EOGT: variants seen among roughly 807,000 people sequenced by gnomAD.
The protein encoded by EOGT is EGF domain specific O-linked N-acetylglucosamine transferase.
In EOGT, 55 loss-of-function variants were observed where a neutral mutation model predicts 70.5. That is an observed-to-expected ratio of 0.78 (90% CI 0.63 to 0.98). The LOEUF is 0.98. EOGT is among the 50% of genes least tolerant of loss of function. The pLI is 0.00. For synonymous variants in EOGT, 246 were observed against 217.1 expected (o/e 1.13, Z -1.17); for missense variants, 703 against 641.9 (o/e 1.10, Z -1.03).
In EOGT at chr3:68,977,535, AAC is replaced by A; in HGVS notation, c.*81_*82del. The A allele has an allele frequency of 6.9e-7, 1 of 1,446,606 alleles. No homozygotes were observed. The highest frequency in any genetic ancestry group is 9.6e-7 in the Non-Finnish European group (1 of 1,042,524). The allele number at this position is 1,446,606 out of a possible 1,614,324, so 89.6% of individuals were successfully genotyped here. On this transcript the variant is annotated 3_prime_UTR_variant, in exon 18 of 18. Transcript: ENST00000383701. ...AAAAGGTAATTCGGGGATAGGAAAT[AAC>A]AGATTGCTTTACTGATTTAATTCTA... is the stretch of plus-strand genomic sequence containing the variant.
Position 68,987,452 on chromosome 3 carries a change from TG to T in EOGT, c.1144del (p.Gln382LysfsTer5), listed in dbSNP as rs1264434822. 4.3e-6 allele frequency: 7 copies of T among 1,612,700 alleles called. No individual in the cohort carries two copies. The highest frequency in any genetic ancestry group is 5.1e-6 in the Non-Finnish European group (6 of 1,179,148). The stretch of plus-strand genomic sequence containing the variant: ...TGCATACCAAAAACTAACCTCATTT[TG>T]GTTAAGGATTTTCCGGTATTCTGTG... ...RSTEYRKILN[Q>X]NELVNALKTV... On this transcript the variant is annotated frameshift_variant, in exon 14 of 18. Transcript: ENST00000383701. LOFTEE classifies it high-confidence loss of function.
chr3:68,979,915 T>C (rs1192787485), intron 15 of EOGT, 128 bp from the exon 16 acceptor site: 5 of 890,470 alleles, frequency 5.6e-6, no homozygotes, highest in Non-Finnish European at 6.3e-6. Context: ...ATTCCATTTT[T>C]AAGAAGCATT....
chr3:69,010,716 C>T lies in EOGT; in HGVS notation c.-14-856G>A, dbSNP rs556451001. ...AAGCCATGTGGGGCAGAGAAGGGGC[C>T]TAAATAACATTAAAGCTGAGATCTG... On this transcript the variant is annotated intron_variant, in intron 3 of 17. Coordinates refer to ENST00000383701, the MANE Select transcript of EOGT (RefSeq NM_001278689.2). Among the ~76,000 whole-genome samples the T allele has an allele frequency of 1.0e-3, 152 of 152,166 alleles. 3 individuals carry two copies. Among genetic ancestry groups the T allele is most frequent in the African/African-American group, 3.4e-3 (143 of 41,506 alleles).
At chr3:68,987,886 C>A in intron 13 of EOGT, 1 of 325,760 alleles carries the variant, frequency 3.1e-6, no homozygotes, top group Non-Finnish European at 5.6e-6. Context: ...GTTTTTGACA[C>A]CTGGTTTCAG....
intron 8 of EOGT, among the ~76,000 whole-genome samples, chr3:69,004,145 G>A (rs2091375708): frequency 6.6e-6 from 1 of 152,146 alleles, no homozygotes; most frequent in Non-Finnish European, 1.5e-5. Flanking sequence ...GGATTTTTAA[G>A]CTGATTTTTT....
intron 10 of EOGT, among the ~76,000 whole-genome samples, chr3:68,996,712 C>T (rs1559602905): frequency 6.6e-6 from 1 of 152,200 alleles, no homozygotes; most frequent in Non-Finnish European, 1.5e-5. Context: ...GGAAGAAACA[C>T]CTGAGGCTGC....
rs61541890 is a variant in EOGT, at chr3:69,006,048, T to C, written c.421-814A>G. On this transcript the variant is annotated intron_variant, in intron 6 of 17. Transcript: ENST00000383701. Reference sequence around the variant, plus strand: ...CAATGTGATGATATTGTTTAGAAGCTACCCAGTCTATGGTATTTTGTTATA... The same window carrying C: ...CAATGTGATGATATTGTTTAGAAGCCACCCAGTCTATGGTATTTTGTTATA... 8.7e-3 allele frequency among the ~76,000 whole-genome samples: 1,331 copies of C among 152,318 alleles called. 136 individuals carry two copies. The East Asian group carries it at 0.21, about 24-fold the overall frequency.
Position 69,004,429 on chromosome 3 carries a change from T to C in EOGT, c.569A>G (p.Asp190Gly), listed in dbSNP as rs1236620474. The C allele has an allele frequency of 2.5e-6, 4 of 1,614,150 alleles. No homozygotes were observed. Among genetic ancestry groups the C allele is most frequent in the Non-Finnish European group, 3.4e-6 (4 of 1,179,992 alleles). Residue 190 changes from aspartate (D) to glycine (G), a missense_variant, in exon 8 of 18, where the codon GAC becomes GGC. Coordinates refer to ENST00000383701, the MANE Select transcript of EOGT (RefSeq NM_001278689.2). ...SGEIGGHCKL[D>G]IRTLTSEGQR... is the part of the protein sequence containing the mutation. ...ACCTTCAGACGTCAATGTACGGATG[T>C]CAAGTTTACAGTGCCCTCCAATTTC...
intron 9 of EOGT, among the ~76,000 whole-genome samples, 199 bp from the exon 10 acceptor site, chr3:68,998,313 A>G (rs2091207929): frequency 6.6e-6 from 1 of 152,266 alleles, no homozygotes; most frequent in Non-Finnish European, 1.5e-5. Flanking sequence ...CCTGGGTTTC[A>G]AAAGTCACTC....
intron 14 of EOGT, among the ~76,000 whole-genome samples, chr3:68,986,025 T>C (rs1459911363): frequency 1.3e-5 from 2 of 152,194 alleles, no homozygotes; most frequent in East Asian, 1.9e-4. Context: ...GCCAGCAACA[T>C]GGCATCTCTC....
chr3:69,012,995 G>A (rs2091613541), intron 1 of EOGT, among the ~76,000 whole-genome samples, 196 bp from the exon 2 acceptor site: 1 of 152,102 alleles, frequency 6.6e-6, no homozygotes, highest in African/African-American at 2.4e-5. Flanking sequence ...CCCTACTTGT[G>A]CCAAAAAGTC....
In EOGT at chr3:68,988,253, G is replaced by A. The variant is rs954391494; in HGVS notation, c.1083+42C>T. ...GGTGGTATCGATTTTTATTAGGGAA[G>A]AAAACTCAAGCCCACCTCAGAATCC... On this transcript the variant is annotated intron_variant, in intron 13 of 17. Transcript: ENST00000383701. 3.3e-4 allele frequency: 444 copies of A among 1,333,650 alleles called. 1 individual carries two copies. Among genetic ancestry groups the A allele is most frequent in the Non-Finnish European group, 4.1e-4 (399 of 973,980 alleles). The allele number at this position is 1,333,650 out of a possible 1,614,324, so 82.6% of individuals were successfully genotyped here. A position where few individuals can be genotyped will look rare whatever the true frequency, so the allele number is the denominator to read the frequency against.
intron 1 of EOGT, among the ~76,000 whole-genome samples, chr3:69,013,153 C>T (rs1321892462): frequency 6.6e-6 from 1 of 152,068 alleles, no homozygotes; most frequent in Non-Finnish European, 1.5e-5. Context: ...TGAGACGCCG[C>T]GCTGGGGTTC....
rs2090512941 is a variant in EOGT, at chr3:68,977,752, T to A, written c.1450A>T (p.Thr484Ser). 6.2e-7 allele frequency: 1 copy of A among 1,612,174 alleles called. No homozygotes were observed. Among genetic ancestry groups the A allele is most frequent in the African/African-American group, 1.3e-5 (1 of 74,778 alleles). ...GTGAACTTCGGGTGCTCCCCCAGGG[T>A]TGGATGGTGGCCCTGTGAAAATAAA... ...VFPQDKGHHP[T>S]LGEHPKFTNY... Residue 484 changes from threonine (T) to serine (S), a missense_variant, in exon 18 of 18, where the codon ACC becomes TCC. Transcript: ENST00000383701.
chr3:68,984,347 G>A (rs2090741345), intron 14 of EOGT, among the ~76,000 whole-genome samples: 1 of 152,192 alleles, frequency 6.6e-6, no homozygotes. Flanking sequence ...AGGAGAGATG[G>A]CAGATGGCAT....
chr3:68,994,141 C>T (rs576870997), intron 10 of EOGT, among the ~76,000 whole-genome samples: 2 of 152,224 alleles, frequency 1.3e-5, no homozygotes, highest in Admixed American at 6.5e-5. Flanking sequence ...CGCACACACA[C>T]ATATGTTATG....
chr3:68,990,371 G>C (rs796673451), intron 10 of EOGT, among the ~76,000 whole-genome samples: 67 of 31,374 alleles, frequency 2.1e-3, no homozygotes, highest in African/African-American at 7.5e-3. Context: ...TTTTTTTTTT[G>C]AGACTGAGTC....
At chr3:69,004,550 A>T (rs531167765) in intron 7 of EOGT, 68 bp from the exon 8 acceptor site, 20 of 1,005,684 alleles carry the variant, frequency 2.0e-5, no homozygotes, top group Non-Finnish European at 3.1e-5. Flanking sequence ...GTGGGTTGTA[A>T]CTAAAGTGGA....
chr3:69,011,225 A>G (rs1360554745), intron 3 of EOGT, among the ~76,000 whole-genome samples: 1 of 77,682 alleles, frequency 1.3e-5, no homozygotes, highest in Non-Finnish European at 2.4e-5. Context: ...TTTCCACTGG[A>G]TGACAGAGTC....
Sources: allele counts gnomAD v4.1 joint callset (sites outside exome capture counted in the v4.1 genomes callset), GRCh38; gene constraint gnomAD v4.1.1; transcripts MANE v1.5; gene names NCBI Gene and HGNC (gene_info 2026-07-23, HGNC 2026-07-21).